CCDC18: variants seen among roughly 807,000 people sequenced by gnomAD.
CCDC18 encodes coiled-coil domain containing 18, also known as coiled-coil domain-containing protein 18.
CCDC18 carries 157 observed loss-of-function variants against 196.0 expected under a neutral mutation model. The ratio of observed to expected loss-of-function variants is 0.80; its 90% CI spans 0.70 to 0.91. CCDC18 has a LOEUF of 0.91. CCDC18 is among the 40% of genes least tolerant of loss of function. CCDC18 has a pLI of 0.00. For synonymous variants in CCDC18, 482 were observed against 529.2 expected, an observed-to-expected ratio of 0.91 and a Z score of 1.22; for missense variants, 1,465 against 1,611.6, an observed-to-expected ratio of 0.91 and a Z score of 1.56.
chr1:93,270,774 T>TA lies in CCDC18; in HGVS notation c.4319dup (p.Ser1441ValfsTer22). The TA allele has an allele frequency of 6.5e-7, 1 of 1,545,184 alleles. No homozygotes were observed. Among genetic ancestry groups the TA allele is most frequent in the Non-Finnish European group, 8.7e-7 (1 of 1,145,250 alleles). On this transcript the variant is annotated frameshift_variant, in exon 28 of 29. Transcript: ENST00000690025. LOFTEE classifies it high-confidence loss of function. The stretch of plus-strand genomic sequence containing the variant: ...TACATAAACAAAGAAGTAAGACTAT[T>TA]AAAAAAGTCTTCTATGCAAACAGGT...
intron 21 of CCDC18, 65 bp from the exon 22 acceptor site, chr1:93,246,040 C>A: frequency 9.3e-7 from 1 of 1,073,570 alleles, no homozygotes; most frequent in Non-Finnish European, 1.3e-6. Context: ...ACCTGGTTGA[C>A]CTAACTTTTT....
At chr1:93,277,649 C>T (rs2101597251) in intron 28 of CCDC18, among the ~76,000 whole-genome samples, 1 of 150,934 alleles carries the variant, frequency 6.6e-6, no homozygotes, top group South Asian at 2.1e-4. Context: ...AATCTCAAGG[C>T]AGAAGAATTT....
chr1:93,278,457 T>C lies in CCDC18; in HGVS notation c.4354-6T>C. 1.7e-6 allele frequency: 2 copies of C among 1,207,572 alleles called. No homozygotes were observed. The highest frequency in any genetic ancestry group is 2.7e-5 in the East Asian group (1 of 36,834). 74.8% of individuals were successfully genotyped at this position (1,207,572 alleles called of 1,614,324 possible). Reference sequence around the variant, plus strand: ...AATATTAATCTATTATTTTGCATTATTCTAGGGAGAAAATGTGTAATTCAA... The same window carrying C: ...AATATTAATCTATTATTTTGCATTACTCTAGGGAGAAAATGTGTAATTCAA... On this transcript the variant is annotated splice_polypyrimidine_tract_variant and splice_region_variant and intron_variant, in intron 28 of 28. Coordinates refer to ENST00000690025, the MANE Select transcript of CCDC18 (RefSeq NM_001378204.1).
intron 16 of CCDC18, among the ~76,000 whole-genome samples, chr1:93,223,072 T>A (rs377157519): frequency 6.6e-6 from 1 of 152,172 alleles, no homozygotes; most frequent in African/African-American, 2.4e-5. Context: ...CCAAATTTCA[T>A]TAATATTAAA....
chr1:93,260,362 T>C (rs1457873333), intron 26 of CCDC18, among the ~76,000 whole-genome samples: 1 of 152,186 alleles, frequency 6.6e-6, no homozygotes, highest in African/African-American at 2.4e-5. Context: ...CAAGTCTGCG[T>C]GACAAGAGTG....
At chr1:93,247,917 A>G (rs918986613) in intron 23 of CCDC18, among the ~76,000 whole-genome samples, 1 of 150,736 alleles carries the variant, frequency 6.6e-6, no homozygotes, top group Non-Finnish European at 1.5e-5. Context: ...GTCTTGTTCT[A>G]TATCTTAGTG....
upstream of CCDC18, chr1:93,180,533 G>A: frequency 6.6e-7 from 1 of 1,515,390 alleles, no homozygotes; most frequent in Non-Finnish European, 8.9e-7. Context: ...CGGTTCCCAT[G>A]GCTTCCCCCA....
At chr1:93,188,776 C>A (rs968554301) in intron 4 of CCDC18, among the ~76,000 whole-genome samples, 1 of 152,066 alleles carries the variant, frequency 6.6e-6, no homozygotes, top group African/African-American at 2.4e-5. Flanking sequence ...TTTGAGAGCC[C>A]TTTCAGGCTG....
chr1:93,188,728 G>A (rs373806649), intron 4 of CCDC18, among the ~76,000 whole-genome samples: 1 of 152,096 alleles, frequency 6.6e-6, no homozygotes, highest in East Asian at 1.9e-4. Context: ...TGCACAACAA[G>A]TTGTCTTTGA....
chr1:93,193,659 GA>G lies in CCDC18; in HGVS notation c.617del (p.Lys206ArgfsTer13). On this transcript the variant is annotated frameshift_variant, in exon 6 of 29. Coordinates refer to ENST00000690025, the MANE Select transcript of CCDC18 (RefSeq NM_001378204.1). LOFTEE classifies it high-confidence loss of function. The part of the protein sequence containing the change: ...KLEQSQKMVI[E>X]KEQSLQESKE... The stretch of plus-strand genomic sequence containing the variant: ...GGAACAGAGCCAGAAAATGGTAATT[GA>G]AAAGGAACAGAGTTTGCAGGAGTCC... 1 of 1,593,458 alleles carries G rather than the reference GA, an allele frequency of 6.3e-7. No individual in the cohort carries two copies. The highest frequency in any genetic ancestry group is 1.8e-5 in the Admixed American group (1 of 56,004).
intron 8 of CCDC18, 87 bp from the exon 9 acceptor site, chr1:93,207,020 A>G (rs1248263728): frequency 1.5e-5 from 12 of 777,058 alleles, no homozygotes; most frequent in Non-Finnish European, 2.1e-5. Flanking sequence ...TTAAGCTTCA[A>G]AAAATTTTAA....
At chr1:93,199,914 CTGT>C (rs1653526162) in intron 6 of CCDC18, 1 of 152,542 alleles carries the variant, frequency 6.6e-6, no homozygotes, top group Non-Finnish European at 1.5e-5. Context: ...CATCTAGGTG[CTGT>C]TGTTGAGCAT....
chr1:93,198,041 G>A (rs985813380), intron 6 of CCDC18, among the ~76,000 whole-genome samples: 17 of 151,950 alleles, frequency 1.1e-4, no homozygotes, highest in Middle Eastern at 3.2e-3. Flanking sequence ...GTGAGCCACC[G>A]CGCCCGGCCC....
chr1:93,186,063 ATAT>A (rs945084771), intron 3 of CCDC18, among the ~76,000 whole-genome samples: 2 of 151,918 alleles, frequency 1.3e-5, no homozygotes, highest in Admixed American at 6.6e-5. Context: ...TCTAGGGATG[ATAT>A]TATTGGTTCT....
chr1:93,255,758 G>C (rs1209662457), intron 24 of CCDC18, among the ~76,000 whole-genome samples: 1 of 145,504 alleles, frequency 6.9e-6, no homozygotes. Context: ...GGAAGAAGAG[G>C]AAGAAGAGGA....
chr1:93,186,050 A>T (rs192314170), intron 3 of CCDC18, among the ~76,000 whole-genome samples: 7 of 152,026 alleles, frequency 4.6e-5, no homozygotes, highest in African/African-American at 1.7e-4. Context: ...TATCAGGTTT[A>T]TGTCTAGGGA....
intron 9 of CCDC18, 122 bp from the exon 10 acceptor site, chr1:93,210,680 A>G (rs1181693437): frequency 6.3e-6 from 4 of 633,672 alleles, no homozygotes; most frequent in Non-Finnish European, 1.1e-5. Context: ...ATATTCTCCT[A>G]TTGATGGACA....
At chr1:93,218,789 G>GGT (rs1332028639) in intron 14 of CCDC18, among the ~76,000 whole-genome samples, 3 of 151,784 alleles carry the variant, frequency 2.0e-5, no homozygotes, top group African/African-American at 7.3e-5. Flanking sequence ...CTCACGCAGA[G>GGT]GTGTGAGCCA....
intron 10 of CCDC18, among the ~76,000 whole-genome samples, chr1:93,211,580 C>G (rs1009469003): frequency 1.3e-5 from 2 of 152,112 alleles, no homozygotes; most frequent in African/African-American, 4.8e-5. Flanking sequence ...CACATGTACA[C>G]AAATATGTAC....
Sources: gnomAD v4.1 joint callset for allele counts (sites outside exome capture counted in the v4.1 genomes callset) on GRCh38, gnomAD v4.1.1 for gene constraint, MANE v1.5 for transcripts, NCBI Gene and HGNC (gene_info 2026-07-23, HGNC 2026-07-21) for gene names.